The following TRPC7 variants were observed in gnomAD, a reference collection of about 807,000 sequenced individuals.
TRPC7 encodes the protein short transient receptor potential channel 7.
Under a neutral mutation model 90.1 loss-of-function variants are expected in TRPC7, and 42 were observed. The ratio of observed to expected loss-of-function variants is 0.47; its 90% CI spans 0.36 to 0.60. The LOEUF (loss-of-function observed/expected upper bound fraction) is 0.60. Ranked by LOEUF, TRPC7 falls within the 20% of genes least tolerant of loss-of-function variation. TRPC7 has a pLI of 0.00. For synonymous variants in TRPC7, 451 were observed against 436.3 expected, an observed-to-expected ratio of 1.03 and a Z score of -0.42; for missense variants, 955 against 1,112.3, an observed-to-expected ratio of 0.86 and a Z score of 2.01.
chr5:136,299,363 G>C (rs1305905755), intron 3 of TRPC7, among the ~76,000 whole-genome samples: 1 of 151,120 alleles, frequency 6.6e-6, no homozygotes, highest in Non-Finnish European at 1.5e-5. Flanking sequence ...GTGTGTGTGT[G>C]TGTGTGTGTG....
At chr5:136,266,077 CT>C (rs1302420931) in intron 5 of TRPC7, 142 bp downstream of exon 5, 1 of 733,818 alleles carries the variant, frequency 1.4e-6, no homozygotes, top group Non-Finnish European at 2.3e-6. Flanking sequence ...GAAGTTGACT[CT>C]GACTTTCTTG....
chr5:136,234,869 C>G (rs770064511), intron 7 of TRPC7, among the ~76,000 whole-genome samples: 13 of 152,016 alleles, frequency 8.6e-5, no homozygotes, highest in African/African-American at 2.9e-4. Flanking sequence ...TTAGAGGGCA[C>G]CTTATGGGCA....
chr5:136,259,367 CATT>C (rs1756782797), intron 5 of TRPC7, among the ~76,000 whole-genome samples: 1 of 152,226 alleles, frequency 6.6e-6, no homozygotes, highest in Non-Finnish European at 1.5e-5. Flanking sequence ...ACTTAACAGA[CATT>C]GTTGAGCTCC....
At chr5:136,270,062 A>G (rs1757158960) in intron 4 of TRPC7, among the ~76,000 whole-genome samples, 1 of 152,164 alleles carries the variant, frequency 6.6e-6, no homozygotes, top group Admixed American at 6.6e-5. Context: ...AGTCCTACCA[A>G]CTTTTAAGAT....
intron 3 of TRPC7, among the ~76,000 whole-genome samples, chr5:136,312,840 A>G (rs1229666862): frequency 1.3e-5 from 2 of 152,178 alleles, no homozygotes; most frequent in African/African-American, 2.4e-5. Context: ...AAATCCTGGC[A>G]TTTCATAGAC....
chr5:136,266,427 T>A lies in TRPC7; in HGVS notation c.1138A>T (p.Thr380Ser). 1 of 1,613,398 alleles carries A rather than the reference T, an allele frequency of 6.2e-7. No individual in the cohort carries two copies. The highest frequency in any genetic ancestry group is 8.5e-7 in the Non-Finnish European group (1 of 1,179,560). The stretch of plus-strand genomic sequence containing the variant: ...AACTTCATGAAAGGGCTCCTCAGGG[T>A]TCGTCCTAGCTGGAAAGAAAATGTG... Reference protein sequence around the residue: ...WIAPCSKLGRTLRSPFMKFVA... With the variant: ...WIAPCSKLGRSLRSPFMKFVA... Residue 380 changes from threonine (T) to serine (S), a missense_variant, in exon 5 of 12, where the codon ACC becomes TCC. By Grantham distance (58) the Thr-to-Ser change is moderately conservative (BLOSUM62 1). This residue lies in a region of TRPC7 where 484 missense variants were observed against 509.6 expected (regional missense o/e 0.95). Transcript: ENST00000513104.
At chr5:136,233,663 A>G (rs1755887800) in intron 7 of TRPC7, among the ~76,000 whole-genome samples, 1 of 152,160 alleles carries the variant, frequency 6.6e-6, no homozygotes, top group Non-Finnish European at 1.5e-5. Flanking sequence ...CTTGTCATGG[A>G]CCAACAAAGG....
intron 3 of TRPC7, among the ~76,000 whole-genome samples, chr5:136,284,319 G>A (rs1757642600): frequency 1.3e-5 from 2 of 152,190 alleles, no homozygotes; most frequent in South Asian, 2.1e-4. Context: ...ACGTGTGTGT[G>A]TATATTCACA....
At chr5:136,234,169 G>T (rs1287837281) in intron 7 of TRPC7, among the ~76,000 whole-genome samples, 1 of 152,144 alleles carries the variant, frequency 6.6e-6, no homozygotes, top group Non-Finnish European at 1.5e-5. Context: ...CCTGGACTTG[G>T]ATTTGGCCAT....
intron 3 of TRPC7, among the ~76,000 whole-genome samples, chr5:136,308,244 G>T (rs1361042694): frequency 6.6e-6 from 1 of 152,190 alleles, no homozygotes; most frequent in Non-Finnish European, 1.5e-5. Context: ...GAGATTAATG[G>T]ATATTGATCA....
chr5:136,359,692 C>G (rs1399191796), intron 1 of TRPC7, among the ~76,000 whole-genome samples: 2 of 151,948 alleles, frequency 1.3e-5, no homozygotes, highest in African/African-American at 2.4e-5. Context: ...GAGTCGAAAG[C>G]TAAGCAGTTA....
At chr5:136,284,521 A>G (rs896649267) in intron 3 of TRPC7, among the ~76,000 whole-genome samples, 1 of 152,234 alleles carries the variant, frequency 6.6e-6, no homozygotes, top group Non-Finnish European at 1.5e-5. Flanking sequence ...CTATGCATCC[A>G]TTCATTCAAC....
chr5:136,325,680 T>C (rs1307656349), intron 2 of TRPC7, among the ~76,000 whole-genome samples: 1 of 151,998 alleles, frequency 6.6e-6, no homozygotes, highest in Admixed American at 6.6e-5. Context: ...AAGGAAAACA[T>C]CAAGGTCTAG....
At chr5:136,297,497 A>G (rs1434835755) in intron 3 of TRPC7, among the ~76,000 whole-genome samples, 1 of 152,094 alleles carries the variant, frequency 6.6e-6, no homozygotes, top group Non-Finnish European at 1.5e-5. Flanking sequence ...ATATATATTA[A>G]GTATGTAATA....
chr5:136,263,041 G>T (rs1018016820), intron 5 of TRPC7, among the ~76,000 whole-genome samples: 2 of 152,282 alleles, frequency 1.3e-5, no homozygotes, highest in East Asian at 1.9e-4. Context: ...TTAAATAGGG[G>T]TTCTTTTGAA....
At chr5:136,262,642 G>A (rs77995848) in intron 5 of TRPC7, among the ~76,000 whole-genome samples, 6,694 of 152,216 alleles carry the variant, frequency 0.044, 277 homozygotes, top group African/African-American at 0.11. Context: ...TCTCTTTTAG[G>A]AAAAGTGTTC....
At chr5:136,246,332 G>A (rs973820665) in intron 7 of TRPC7, among the ~76,000 whole-genome samples, 12 of 152,314 alleles carry the variant, frequency 7.9e-5, no homozygotes, top group Middle Eastern at 3.4e-3. Context: ...GCAACCACTC[G>A]CAGACCTGCC....
intron 2 of TRPC7, among the ~76,000 whole-genome samples, chr5:136,348,509 C>A (rs1409266815): frequency 6.6e-6 from 1 of 152,176 alleles, no homozygotes; most frequent in African/African-American, 2.4e-5. Flanking sequence ...TTTTCTAGCA[C>A]AATTGTAATG....
intron 3 of TRPC7, among the ~76,000 whole-genome samples, chr5:136,294,895 T>A (rs1240092783): frequency 6.6e-6 from 1 of 152,218 alleles, no homozygotes; most frequent in African/African-American, 2.4e-5. Flanking sequence ...AACCCAAATG[T>A]CCAGCAATGA....
Sources: gnomAD v4.1 joint callset for allele counts (sites outside exome capture counted in the v4.1 genomes callset) on GRCh38, gnomAD v4.1.1 for gene constraint, gnomAD v4.1.1 regional missense constraint, MANE v1.5 for transcripts, NCBI Gene and HGNC (gene_info 2026-07-23, HGNC 2026-07-21) for gene names.